The following RBFOX2 variants were observed in gnomAD, a reference collection of about 807,000 sequenced individuals.
RBFOX2 encodes RNA binding fox-1 homolog 2.
Under a neutral mutation model 49.1 loss-of-function variants are expected in RBFOX2, and 10 were observed. That is an observed-to-expected ratio of 0.20 (90% CI 0.13 to 0.35). RBFOX2 has a LOEUF of 0.35. Among genes scored for constraint, RBFOX2 ranks in the 10% least tolerant of loss-of-function variants. The pLI is 1.00. For synonymous variants in RBFOX2, 183 were observed against 187.4 expected, an observed-to-expected ratio of 0.98 and a Z score of 0.19; for missense variants, 323 against 486.9, an observed-to-expected ratio of 0.66 and a Z score of 3.17.
At chr22:35,768,449 A>G (rs1200688531) in intron 4 of RBFOX2, 100 bp from the exon 6 acceptor site, 2 of 1,033,522 alleles carry the variant, frequency 1.9e-6, no homozygotes. Context: ...TGAAACTGAC[A>G]TCAGCAACAA....
At chr22:36,013,646 CACAGAG>C (rs987143609) in intron 1 of RBFOX2, among the ~76,000 whole-genome samples, 3 of 147,160 alleles carry the variant, frequency 2.0e-5, no homozygotes, top group South Asian at 2.1e-4. Context: ...CACACACACA[CACAGAG>C]AGAGAGAGAG....
At chr22:35,873,680 G>A (rs1383997071) in intron 1 of RBFOX2, among the ~76,000 whole-genome samples, 2 of 152,112 alleles carry the variant, frequency 1.3e-5, no homozygotes, top group Admixed American at 1.3e-4. Context: ...CTGCCACTGA[G>A]ACTGCAGAAC....
chr22:35,970,436 G>A (rs970488072), intron 1 of RBFOX2, among the ~76,000 whole-genome samples: 5 of 151,242 alleles, frequency 3.3e-5, no homozygotes, highest in Non-Finnish European at 5.9e-5. Flanking sequence ...ACTGCTCAAG[G>A]TCAGGAGCTC....
rs1175843467 is a variant in RBFOX2 at position 35,749,386 on chromosome 22, G to A, written c.888-2825C>T. ...TGGCATTACAGAGAAACCTTTAAAAGATGAACTATTTTAGGATAGATAGGC... is the reference window on the plus strand; with the variant it reads ...TGGCATTACAGAGAAACCTTTAAAAAATGAACTATTTTAGGATAGATAGGC... On this transcript the variant is annotated intron_variant, in intron 9 of 11. Transcript: ENST00000405409. This position sits in a 1 kb window ranked among gnomAD's most constrained non-coding sequence, Gnocchi z 4.1. Among the ~76,000 whole-genome samples, 1 of 152,052 alleles carries A rather than the reference G, an allele frequency of 6.6e-6. No homozygotes were observed. The highest frequency in any genetic ancestry group is 1.5e-5 in the Non-Finnish European group (1 of 68,016).
intron 1 of RBFOX2, among the ~76,000 whole-genome samples, chr22:35,944,530 A>AC (rs774404289): frequency 1.2e-4 from 19 of 152,348 alleles, no homozygotes; most frequent in Middle Eastern, 6.8e-3. Context: ...AGGTACAAAG[A>AC]AAACTTAACA....
At chr22:35,927,791 G>A (rs747825218) in intron 1 of RBFOX2, among the ~76,000 whole-genome samples, 2 of 152,076 alleles carry the variant, frequency 1.3e-5, no homozygotes, top group Non-Finnish European at 2.9e-5. Context: ...CAAGACCCAA[G>A]AGTCAGGTAA....
At chr22:35,765,559 A>G (rs1272121968) in intron 5 of RBFOX2, 76 bp from the exon 7 acceptor site, 3 of 784,518 alleles carry the variant, frequency 3.8e-6, no homozygotes, top group Admixed American at 2.8e-5. Context: ...ACATCCAATA[A>G]CAGAGTATTT....
chr22:35,784,449 G>A (rs1293541617), intron 2 of RBFOX2, among the ~76,000 whole-genome samples: 1 of 152,196 alleles, frequency 6.6e-6, no homozygotes, highest in Non-Finnish European at 1.5e-5. Flanking sequence ...CCTCATGCCC[G>A]ACATAGCCTC....
intron 1 of RBFOX2, among the ~76,000 whole-genome samples, chr22:36,003,027 T>G (rs2058490011): frequency 6.6e-6 from 1 of 152,228 alleles, no homozygotes; most frequent in South Asian, 2.1e-4. Flanking sequence ...CAAAAGACAC[T>G]CCTTGAACTC....
At chr22:35,780,305 C>A (rs1944857554) in intron 3 of RBFOX2, among the ~76,000 whole-genome samples, 1 of 151,400 alleles carries the variant, frequency 6.6e-6, no homozygotes, top group Non-Finnish European at 1.5e-5. Context: ...AGAAGAGCAT[C>A]TGCTTTTCTA....
intron 1 of RBFOX2, among the ~76,000 whole-genome samples, chr22:35,866,610 GA>G: frequency 6.6e-6 from 1 of 152,208 alleles, no homozygotes; most frequent in African/African-American, 2.4e-5. Flanking sequence ...AAAGAAGCAA[GA>G]AAACTAGACA....
chr22:35,883,390 T>C (rs149875531), intron 1 of RBFOX2, among the ~76,000 whole-genome samples: 4 of 152,358 alleles, frequency 2.6e-5, no homozygotes, highest in African/African-American at 7.2e-5. Flanking sequence ...AGAAGCCCTA[T>C]TGTTTGACGG....
upstream of RBFOX2, among the ~76,000 whole-genome samples, chr22:35,962,930 G>T (rs970639517): frequency 1.1e-4 from 17 of 151,636 alleles, no homozygotes; most frequent in African/African-American, 4.1e-4. Context: ...AAGTAATAAG[G>T]GCTCCAAGCA....
At chr22:35,826,776 T>A (rs531848058) in intron 1 of RBFOX2, among the ~76,000 whole-genome samples, 188 of 152,238 alleles carry the variant, frequency 1.2e-3, no homozygotes, top group African/African-American at 4.3e-3. Context: ...TGTGAGAAAG[T>A]TTAACTTAAC....
intron 1 of RBFOX2, among the ~76,000 whole-genome samples, chr22:35,865,409 G>A (rs1214788162): frequency 1.3e-5 from 2 of 152,138 alleles, no homozygotes; most frequent in African/African-American, 4.8e-5. Flanking sequence ...ACACTGAGGA[G>A]TTCAGGACTA....
chr22:35,869,861 C>A (rs1413479164), intron 1 of RBFOX2, among the ~76,000 whole-genome samples: 2 of 152,158 alleles, frequency 1.3e-5, no homozygotes, highest in African/African-American at 4.8e-5. Context: ...ATTTTAAAAA[C>A]CTTTATCATA....
intron 1 of RBFOX2, among the ~76,000 whole-genome samples, chr22:36,017,187 A>G (rs2059069029): frequency 6.6e-6 from 1 of 152,234 alleles, no homozygotes; most frequent in South Asian, 2.1e-4. Flanking sequence ...TGTGAAAAAT[A>G]CCATGTATTG....
upstream of RBFOX2, among the ~76,000 whole-genome samples, chr22:35,845,133 C>A (rs1356593842): frequency 2.6e-5 from 4 of 152,024 alleles, no homozygotes. Context: ...GCATTTCCTG[C>A]AATAATAAAA....
intron 5 of RBFOX2, among the ~76,000 whole-genome samples, chr22:35,767,928 T>C (rs540875466): frequency 6.6e-6 from 1 of 152,032 alleles, no homozygotes; most frequent in South Asian, 2.1e-4. Context: ...ATTCAGAGTA[T>C]TGCAAACTGA....
Sources: gnomAD v4.1 joint callset for allele counts (sites outside exome capture counted in the v4.1 genomes callset) on GRCh38, gnomAD v4.1.1 for gene constraint, Gnocchi (gnomAD v3.1) non-coding constraint, MANE v1.5 for transcripts, NCBI Gene and HGNC (gene_info 2026-07-23, HGNC 2026-07-21) for gene names.